The following THAP4 variants were observed in gnomAD, a reference collection of about 807,000 sequenced individuals.
THAP4 encodes the protein THAP domain containing 4, also known as peroxynitrite isomerase THAP4.
THAP4 carries 18 observed loss-of-function variants against 48.1 expected under a neutral mutation model. The ratio of observed to expected loss-of-function variants is 0.37; its 90% CI spans 0.26 to 0.56. The LOEUF (loss-of-function observed/expected upper bound fraction) is 0.56. Among genes scored for constraint, THAP4 ranks in the 20% least tolerant of loss-of-function variants. THAP4 has a pLI of 0.78. For synonymous variants in THAP4, 345 were observed against 324.9 expected (o/e 1.06, Z -0.66); for missense variants, 656 against 774.9 (o/e 0.85, Z 1.82).
rs766932585 is a variant in THAP4, at chr2:241,603,074, T to C, written c.1406A>G (p.Asn469Ser). 2 of 1,613,476 alleles carry C rather than the reference T, an allele frequency of 1.2e-6. No homozygotes were observed. The highest frequency in any genetic ancestry group is 1.7e-6 in the Non-Finnish European group (2 of 1,179,654). Residue 469 changes from asparagine to serine, a missense_variant, in exon 4 of 6, where the codon AAC becomes AGC. Transcript: ENST00000407315. ...CTTGCGCGTGTCCGGGTGGAAGGAGTTGAACCTGGACGGGAAGTTGGAGTT... is the reference window on the plus strand; with the variant it reads ...CTTGCGCGTGTCCGGGTGGAAGGAGCTGAACCTGGACGGGAAGTTGGAGTT... Reference protein sequence around the residue: ...VGQPMLNFSFNSFHPDTRKPM... With the variant: ...VGQPMLNFSFSSFHPDTRKPM...
chr2:241,600,727 C>CAAAA (rs35546566), intron 5 of THAP4, among the ~76,000 whole-genome samples: 79 of 88,664 alleles, frequency 8.9e-4, no homozygotes, highest in Middle Eastern at 0.013. Flanking sequence ...GACTCCGTCT[C>CAAAA]AAAAAAAAAA....
intron 3 of THAP4, among the ~76,000 whole-genome samples, chr2:241,603,326 CATTTT>C (rs2067141971): frequency 1.3e-5 from 2 of 150,318 alleles, no homozygotes; most frequent in Non-Finnish European, 3.0e-5. Flanking sequence ...CCACCTTGCT[CATTTT>C]GGCTGTGTCT....
chr2:241,590,301 TGATGAG>T (rs2066944881), intron 5 of THAP4, among the ~76,000 whole-genome samples: 2 of 141,818 alleles, frequency 1.4e-5, no homozygotes, highest in African/African-American at 2.7e-5. Context: ...GCCCGGCTGA[TGATGAG>T]GGGCACTAGG....
In THAP4 at chr2:241,596,459, A is replaced by C. The variant is rs1213135163; in HGVS notation, c.1614+5437T>G. Among the ~76,000 whole-genome samples, 5 of 149,528 alleles carry C rather than the reference A, an allele frequency of 3.3e-5. No individual in the cohort carries two copies. The East Asian group carries it at 1.0e-3, about 30-fold the overall frequency. On this transcript the variant is annotated intron_variant, in intron 5 of 5. Transcript: ENST00000407315. ...GAGGCAGAGGTTGCAGTGAGCCGAG[A>C]TCATGCCACTGCATGCCAGCCTGGG...
chr2:241,625,909 A>T (rs2067491512), intron 2 of THAP4, among the ~76,000 whole-genome samples: 2 of 152,068 alleles, frequency 1.3e-5, no homozygotes, highest in Non-Finnish European at 2.9e-5. Flanking sequence ...AATAAAAAAA[A>T]TGTATAAAAA....
At position 241,612,981 on chromosome 2, in the gene THAP4, T is replaced by C. The variant is rs894083280; in HGVS notation, c.1241-6508A>G. 6.6e-6 allele frequency among the ~76,000 whole-genome samples: 1 copy of C among 152,264 alleles called. No individual in the cohort carries two copies. The highest frequency in any genetic ancestry group is 1.5e-5 in the Non-Finnish European group (1 of 68,054). On this transcript the variant is annotated intron_variant, in intron 2 of 5. Transcript: ENST00000407315. This position sits in a 1 kb window ranked among gnomAD's most constrained non-coding sequence, Gnocchi z 4.1. ...TAATCTTATAGTATGGGTGGTTGCC[T>C]GTTGAAATAATTTTTAGATAATATC...
intron 2 of THAP4, among the ~76,000 whole-genome samples, chr2:241,622,432 G>A (rs2067440691): frequency 6.6e-6 from 1 of 152,084 alleles, no homozygotes; most frequent in South Asian, 2.1e-4. Context: ...TTCACTGGCA[G>A]TACCTCTTCC....
chr2:241,589,212 C>CA (rs765239066), intron 5 of THAP4, among the ~76,000 whole-genome samples: 25,755 of 108,796 alleles, frequency 0.24, 3,019 homozygotes, highest in South Asian at 0.38. Context: ...AACAATGTCT[C>CA]AAAAAAAAAA....
chr2:241,632,754 T>C (rs1405540234), intron 2 of THAP4, among the ~76,000 whole-genome samples, 163 bp downstream of exon 2: 1 of 152,206 alleles, frequency 6.6e-6, no homozygotes, highest in East Asian at 1.9e-4. Flanking sequence ...CTTTCTAACC[T>C]GGATTCCCTC....
chr2:241,625,893 C>T (rs2067491277), intron 2 of THAP4, among the ~76,000 whole-genome samples: 2 of 150,384 alleles, frequency 1.3e-5, no homozygotes, highest in African/African-American at 4.9e-5. Context: ...AAAACATTTG[C>T]GATTGAATAA....
At chr2:241,586,189 G>A (rs753434109) in intron 5 of THAP4, among the ~76,000 whole-genome samples, 12 of 150,162 alleles carry the variant, frequency 8.0e-5, no homozygotes, top group Non-Finnish European at 1.3e-4. Flanking sequence ...CCCAGGAGGC[G>A]GAGCTTGCAG....
chr2:241,620,326 G>GGA (rs2067411585), intron 2 of THAP4, among the ~76,000 whole-genome samples: 1 of 108,580 alleles, frequency 9.2e-6, no homozygotes, highest in Non-Finnish European at 1.9e-5. Context: ...TGAGTGAGTC[G>GGA]GTGAGTGAGT....
At chr2:241,630,502 T>A (rs2067543494) in intron 2 of THAP4, among the ~76,000 whole-genome samples, 1 of 152,186 alleles carries the variant, frequency 6.6e-6, no homozygotes, top group Non-Finnish European at 1.5e-5. Context: ...TTAGCTCTGA[T>A]AACTACAAAC....
chr2:241,593,853 CT>C (rs1056044318), intron 5 of THAP4, among the ~76,000 whole-genome samples: 4 of 152,042 alleles, frequency 2.6e-5, no homozygotes, highest in Admixed American at 2.6e-4. Flanking sequence ...AGCCCGGCTA[CT>C]TTTTGTATTT....
chr2:241,601,342 C>T lies in THAP4; in HGVS notation c.1614+554G>A, dbSNP rs762480370. On this transcript the variant is annotated intron_variant, in intron 5 of 5. Transcript: ENST00000407315. This position sits in a 1 kb window ranked among gnomAD's most constrained non-coding sequence, Gnocchi z 4.0. ...AATATCAAGTGCACAGAATAAGAAG[C>T]GTAAACAGCCAGTGAGCATGGGGAA... Among the ~76,000 whole-genome samples the T allele has an allele frequency of 1.5e-4, 23 of 152,132 alleles. No individual in the cohort carries two copies. The highest frequency in any genetic ancestry group is 3.3e-4 in the Admixed American group (5 of 15,258).
At chr2:241,593,337 C>T (rs112388120) in intron 5 of THAP4, among the ~76,000 whole-genome samples, 2 of 152,220 alleles carry the variant, frequency 1.3e-5, no homozygotes, top group African/African-American at 4.8e-5. Context: ...CGGCACAGAG[C>T]TCTGAGGTGA....
chr2:241,597,606 C>T (rs1315619575), intron 5 of THAP4, among the ~76,000 whole-genome samples: 3 of 152,198 alleles, frequency 2.0e-5, no homozygotes, highest in Admixed American at 6.5e-5. Context: ...CTCCTTTCAC[C>T]CCCGCACAAG....
At chr2:241,637,267 C>G (rs1216986264), upstream of THAP4, 2 of 1,093,592 alleles carry the variant, frequency 1.8e-6, no homozygotes, top group African/African-American at 3.4e-5. Flanking sequence ...GCAGGCCCCT[C>G]GCAGCGTCCG....
intron 2 of THAP4, among the ~76,000 whole-genome samples, chr2:241,630,760 C>T (rs1389052940): frequency 1.5e-5 from 2 of 130,594 alleles, no homozygotes; most frequent in African/African-American, 5.8e-5. Context: ...GCCTGGGCAA[C>T]AAGAGCAAAA....
Sources: allele counts gnomAD v4.1 joint callset (sites outside exome capture counted in the v4.1 genomes callset), GRCh38; gene constraint gnomAD v4.1.1; non-coding constraint Gnocchi (gnomAD v3.1); transcripts MANE v1.5; gene names NCBI Gene and HGNC (gene_info 2026-07-23, HGNC 2026-07-21).